Variants in PATJ observed in about 807,000 individuals in gnomAD.
The protein encoded by PATJ is PATJ crumbs cell polarity complex component.
PATJ carries 190 observed loss-of-function variants against 224.9 expected under a neutral mutation model. That is an observed-to-expected ratio of 0.84 (90% CI 0.75 to 0.95). The LOEUF (loss-of-function observed/expected upper bound fraction) is 0.95, where lower values mean the gene tolerates loss of function less well. Ranked by LOEUF, PATJ falls within the 40% of genes least tolerant of loss-of-function variation. PATJ has a pLI of 0.00. For missense variants in PATJ, 2,121 were observed against 2,270.3 expected (o/e 0.93, Z 1.34); for synonymous variants, 769 against 820.3 (o/e 0.94, Z 1.07).
At chr1:61,933,940 AT>A (rs370351153) in intron 27 of PATJ, among the ~76,000 whole-genome samples, 6,556 of 143,638 alleles carry the variant, frequency 0.046, 518 homozygotes, top group African/African-American at 0.15. Context: ...GTTCCTTTAC[AT>A]TTTTTTTTTT....
At chr1:62,036,767 G>A (rs1425136541) in intron 29 of PATJ, among the ~76,000 whole-genome samples, 2 of 150,308 alleles carry the variant, frequency 1.3e-5, no homozygotes, top group African/African-American at 4.9e-5. Flanking sequence ...AGCTACTCCG[G>A]AGGCTGAGGC....
rs77655294 is a variant in PATJ, at chr1:61,908,725, A to G, written c.3492+243A>G. ...AGTTACTGCTTCTGGAATCAAACAGACCTGTTTTCAATTTCTTGATTCCTT... is the reference window on the plus strand; with the variant it reads ...AGTTACTGCTTCTGGAATCAAACAGGCCTGTTTTCAATTTCTTGATTCCTT... On this transcript the variant is annotated intron_variant, in intron 25 of 43. Transcript: ENST00000642238. Among the ~76,000 whole-genome samples the G allele has an allele frequency of 7.2e-4, 110 of 152,186 alleles. 1 individual carries two copies. In the East Asian group the frequency reaches 0.016, roughly 22 times the overall value.
chr1:62,083,542 C>T (rs1421900411), intron 32 of PATJ, among the ~76,000 whole-genome samples: 2 of 152,162 alleles, frequency 1.3e-5, no homozygotes, highest in African/African-American at 2.4e-5. Context: ...TTTTTTCCCT[C>T]ACTCTTTGGA....
At chr1:61,882,899 C>T (rs911073317) in intron 21 of PATJ, among the ~76,000 whole-genome samples, 12 of 152,196 alleles carry the variant, frequency 7.9e-5, no homozygotes, top group African/African-American at 2.9e-4. Flanking sequence ...ACCATTATAA[C>T]ACAGCTTAAA....
At chr1:62,017,795 G>A in intron 28 of PATJ, 61 bp from the exon 29 acceptor site, 1 of 751,568 alleles carries the variant, frequency 1.3e-6, no homozygotes. Context: ...TTAATTCCAA[G>A]TATATACATA....
chr1:61,998,180 A>G (rs1447869639), intron 28 of PATJ, among the ~76,000 whole-genome samples: 1 of 150,222 alleles, frequency 6.7e-6, no homozygotes, highest in Non-Finnish European at 1.5e-5. Flanking sequence ...CCTAAATTCA[A>G]GCTATTCTTC....
At chr1:61,773,351 A>C (rs1164680414) in intron 6 of PATJ, among the ~76,000 whole-genome samples, 2 of 152,070 alleles carry the variant, frequency 1.3e-5, no homozygotes, top group Non-Finnish European at 2.9e-5. Context: ...TTAAGACTGC[A>C]TAGTAACTTT....
At chr1:61,871,424 T>TACATATATAC in intron 20 of PATJ, among the ~76,000 whole-genome samples, 1 of 59,946 alleles carries the variant, frequency 1.7e-5, no homozygotes, top group African/African-American at 6.2e-5. Flanking sequence ...CATATATATG[T>TACATATATAC]ACATATATAT....
intron 27 of PATJ, among the ~76,000 whole-genome samples, chr1:61,976,820 A>G (rs1016511428): frequency 6.6e-6 from 1 of 152,046 alleles, no homozygotes; most frequent in East Asian, 1.9e-4. Context: ...AGATTTTACT[A>G]TACTCGTTTC....
chr1:61,900,000 T>C (rs1190148461), intron 23 of PATJ, among the ~76,000 whole-genome samples: 1 of 152,202 alleles, frequency 6.6e-6, no homozygotes, highest in African/African-American at 2.4e-5. Flanking sequence ...TAACAGTAGT[T>C]GAAGTTTCTA....
chr1:61,866,025 G>A (rs1557781191), intron 20 of PATJ, among the ~76,000 whole-genome samples: 1 of 152,200 alleles, frequency 6.6e-6, no homozygotes. Flanking sequence ...GAGAACAGAT[G>A]TTTTTGGAAT....
chr1:62,087,184 T>C (rs1043215708), intron 33 of PATJ, among the ~76,000 whole-genome samples: 17 of 151,938 alleles, frequency 1.1e-4, no homozygotes. Flanking sequence ...CGGAAGTGGC[T>C]GTCAGTGGAG....
chr1:61,914,497 T>A, intron 25 of PATJ, 90 bp from the exon 26 acceptor site: 1 of 597,592 alleles, frequency 1.7e-6, no homozygotes, highest in Non-Finnish European at 3.0e-6. Context: ...TGAAAAAAAA[T>A]TCTCCATTGT....
At chr1:61,965,120 T>TGAAAAAAAAAAAA (rs1681908421) in intron 27 of PATJ, among the ~76,000 whole-genome samples, 1 of 19,764 alleles carries the variant, frequency 5.1e-5, no homozygotes, top group Non-Finnish European at 1.0e-4. Context: ...AGACTCTGTC[T>TGAAAAAAAAAAAA]CAAAAAAAAA....
At position 61,910,033 on chromosome 1, in the gene PATJ, A is replaced by G. The variant is rs1280396265; in HGVS notation, c.3492+1551A>G. On this transcript the variant is annotated intron_variant, in intron 25 of 43. Transcript: ENST00000642238. ...TTGTTTTCATAAAATTTGAAATTCA[A>G]TAAGAATTTTTAGAATTCAGTTTTT... Among the ~76,000 whole-genome samples the G allele has an allele frequency of 1.6e-4, 24 of 152,248 alleles. 1 individual carries two copies. The highest frequency in any genetic ancestry group is 1.5e-3 in the Admixed American group (23 of 15,286).
intron 21 of PATJ, among the ~76,000 whole-genome samples, chr1:61,882,135 G>A (rs928571845): frequency 6.6e-6 from 1 of 152,154 alleles, no homozygotes; most frequent in African/African-American, 2.4e-5. Context: ...TCTGGTGGGG[G>A]CAGACAATAA....
intron 18 of PATJ, among the ~76,000 whole-genome samples, chr1:61,857,621 GC>G (rs1663902338): frequency 1.3e-5 from 2 of 152,304 alleles, no homozygotes; most frequent in South Asian, 4.1e-4. Context: ...CTATGAGTTA[GC>G]CCAGTAGGTT....
rs190275869 is a variant in PATJ, at chr1:61,837,777, G to C, written c.2112+3992G>C. 9.5e-3 allele frequency among the ~76,000 whole-genome samples: 1,185 copies of C among 124,718 alleles called. 7 individuals carry two copies. Among genetic ancestry groups the C allele is most frequent in the Middle Eastern group, 0.026 (6 of 232 alleles). 81.8% of individuals were successfully genotyped at this position (124,718 alleles called of 152,430 possible). A position where few individuals can be genotyped will look rare whatever the true frequency, so the allele number is the denominator to read the frequency against. On this transcript the variant is annotated intron_variant, in intron 17 of 43. Transcript: ENST00000642238. ...TGCACTCCAGCCTGGGAGACAGAGT[G>C]AGACTCTGTCTTAAAAAAAAAAAAA...
chr1:62,126,436 A>G (rs1296754330), intron 39 of PATJ, among the ~76,000 whole-genome samples: 2 of 152,190 alleles, frequency 1.3e-5, no homozygotes, highest in African/African-American at 4.8e-5. Context: ...CATTTTGACT[A>G]GACATCTTGA....
Sources: gnomAD v4.1 joint callset for allele counts (sites outside exome capture counted in the v4.1 genomes callset) on GRCh38, gnomAD v4.1.1 for gene constraint, MANE v1.5 for transcripts, NCBI Gene and HGNC (gene_info 2026-07-23, HGNC 2026-07-21) for gene names.